The following MTHFD2L variants were observed in gnomAD, a reference collection of about 807,000 sequenced individuals.
MTHFD2L encodes methylenetetrahydrofolate dehydrogenase (NADP+ dependent) 2 like.
MTHFD2L carries 29 observed loss-of-function variants against 34.9 expected under a neutral mutation model. The ratio of observed to expected loss-of-function variants is 0.83; its 90% CI spans 0.62 to 1.13. The LOEUF (loss-of-function observed/expected upper bound fraction) is 1.13. Among genes scored for constraint, MTHFD2L ranks in the 50% most tolerant of loss-of-function variants. The pLI is 0.00. For synonymous variants in MTHFD2L, 167 were observed against 155.7 expected (o/e 1.07, Z -0.54); for missense variants, 481 against 446.5 (o/e 1.08, Z -0.70).
chr4:74,240,888 A>G (rs971230612), intron 6 of MTHFD2L, among the ~76,000 whole-genome samples: 1 of 152,218 alleles, frequency 6.6e-6, no homozygotes, highest in East Asian at 1.9e-4. Flanking sequence ...CCTACAAACT[A>G]CCAAACACCT....
chr4:74,135,987 T>C (rs1722894508), intron 1 of MTHFD2L, among the ~76,000 whole-genome samples: 1 of 151,978 alleles, frequency 6.6e-6, no homozygotes, highest in African/African-American at 2.4e-5. Context: ...CTGAAAATAA[T>C]AAAAGCCATC....
intron 1 of MTHFD2L, among the ~76,000 whole-genome samples, chr4:74,132,798 T>G (rs1722642123): frequency 6.6e-6 from 1 of 152,184 alleles, no homozygotes; most frequent in South Asian, 2.1e-4. Context: ...TTTGAATTTT[T>G]ATTATATCAG....
At chr4:74,234,256 A>T (rs1369696615) in intron 6 of MTHFD2L, among the ~76,000 whole-genome samples, 2 of 152,084 alleles carry the variant, frequency 1.3e-5, no homozygotes, top group African/African-American at 4.8e-5. Flanking sequence ...AAATACTTAA[A>T]TATACCCAAA....
chr4:74,255,465 A>T (rs1178837831), intron 6 of MTHFD2L, among the ~76,000 whole-genome samples: 1 of 152,162 alleles, frequency 6.6e-6, no homozygotes, highest in Non-Finnish European at 1.5e-5. Context: ...GTAAGAAAAT[A>T]TTTTTTTAAA....
chr4:74,174,736 T>C (rs1728701308), intron 2 of MTHFD2L, 46 bp downstream of exon 2: 1 of 1,240,200 alleles, frequency 8.1e-7, no homozygotes, highest in Admixed American at 2.9e-5. Flanking sequence ...ATGTTTTCTG[T>C]TTTTACTTCA....
intron 3 of MTHFD2L, among the ~76,000 whole-genome samples, chr4:74,185,149 CT>C (rs1730923842): frequency 1.7e-5 from 1 of 59,718 alleles, no homozygotes; most frequent in African/African-American, 2.0e-4. Context: ...GAGACTCCAT[CT>C]CAAAAAAAAA....
chr4:74,149,217 A>G (rs192204636), intron 1 of MTHFD2L, among the ~76,000 whole-genome samples: 1 of 151,830 alleles, frequency 6.6e-6, no homozygotes, highest in East Asian at 1.9e-4. Flanking sequence ...CTGTTGGGTT[A>G]TTTTGTATCC....
chr4:74,219,399 G>T (rs1430114612), intron 5 of MTHFD2L, among the ~76,000 whole-genome samples: 2 of 152,106 alleles, frequency 1.3e-5, no homozygotes, highest in African/African-American at 4.8e-5. Context: ...GTGGGAAAAA[G>T]TCATCTGAAG....
chr4:74,133,084 G>C (rs929315407), intron 1 of MTHFD2L, among the ~76,000 whole-genome samples: 3 of 152,168 alleles, frequency 2.0e-5, no homozygotes, highest in Non-Finnish European at 4.4e-5. Context: ...GGGTCTAGTA[G>C]TGGTGAATTC....
At chr4:74,221,581 A>G (rs555000380) in intron 5 of MTHFD2L, among the ~76,000 whole-genome samples, 1 of 151,950 alleles carries the variant, frequency 6.6e-6, no homozygotes, top group East Asian at 1.9e-4. Flanking sequence ...TTTTCCTGCT[A>G]CATGTTTGCT....
chr4:74,223,391 T>A (rs1418387505), intron 5 of MTHFD2L, among the ~76,000 whole-genome samples: 1 of 152,012 alleles, frequency 6.6e-6, no homozygotes. Flanking sequence ...CTGCATGCTC[T>A]CACTTATAAG....
At chr4:74,129,470 G>A (rs571816281) in intron 1 of MTHFD2L, among the ~76,000 whole-genome samples, 6 of 152,074 alleles carry the variant, frequency 3.9e-5, no homozygotes, top group Non-Finnish European at 8.8e-5. Flanking sequence ...CATGGAAACT[G>A]AACAATCTGC....
chr4:74,144,852 T>C (rs1181497013), intron 1 of MTHFD2L, among the ~76,000 whole-genome samples: 2 of 152,118 alleles, frequency 1.3e-5, no homozygotes, highest in Non-Finnish European at 2.9e-5. Context: ...AATACCTATA[T>C]AGAGACTTCC....
chr4:74,246,329 G>T (rs1742443793), intron 6 of MTHFD2L, among the ~76,000 whole-genome samples: 1 of 151,550 alleles, frequency 6.6e-6, no homozygotes, highest in East Asian at 1.9e-4. Context: ...GGGGTTGTTT[G>T]TTTTTTTCTT....
intron 6 of MTHFD2L, chr4:74,241,832 T>A (rs1741763676): frequency 6.3e-6 from 1 of 158,698 alleles, no homozygotes; most frequent in African/African-American, 2.4e-5. Context: ...GCAACCTGAA[T>A]GAATTTCCAG....
chr4:74,125,071 C>T (rs1304005425), upstream of MTHFD2L, among the ~76,000 whole-genome samples: 3 of 152,028 alleles, frequency 2.0e-5, no homozygotes, highest in African/African-American at 4.8e-5. Flanking sequence ...AATTCTAAAA[C>T]ACATTGTGGG....
intron 6 of MTHFD2L, among the ~76,000 whole-genome samples, chr4:74,259,469 A>G (rs1392014428): frequency 6.6e-6 from 1 of 152,186 alleles, no homozygotes; most frequent in African/African-American, 2.4e-5. Flanking sequence ...TAACAGGATT[A>G]TCATTCTAGC....
chr4:74,237,734 T>C (rs1741055542), intron 6 of MTHFD2L, among the ~76,000 whole-genome samples: 1 of 152,194 alleles, frequency 6.6e-6, no homozygotes, highest in Non-Finnish European at 1.5e-5. Flanking sequence ...TTAGATTCTC[T>C]TTCATACCTT....
chr4:74,170,984 G>T (rs1405343651), intron 1 of MTHFD2L, among the ~76,000 whole-genome samples: 5 of 124,314 alleles, frequency 4.0e-5, no homozygotes, highest in Non-Finnish European at 1.7e-5. Context: ...GTTGTGGGGT[G>T]GGGGGAGGGG....
Sources: gnomAD v4.1 joint callset for allele counts (sites outside exome capture counted in the v4.1 genomes callset) on GRCh38, gnomAD v4.1.1 for gene constraint, MANE v1.5 for transcripts, NCBI Gene and HGNC (gene_info 2026-07-23, HGNC 2026-07-21) for gene names.